Variants in PDE11A observed in about 807,000 individuals in gnomAD.
PDE11A encodes the protein dual 3',5'-cyclic-AMP and -GMP phosphodiesterase 11A.
A neutral mutation model predicts 100.5 loss-of-function variants in PDE11A; 100 were observed. The ratio of observed to expected loss-of-function variants is 1.00; its 90% confidence interval spans 0.85 to 1.18. The LOEUF (loss-of-function observed/expected upper bound fraction) is 1.18, where lower values mean the gene tolerates loss of function less well. PDE11A is among the 50% of genes most tolerant of loss of function. The pLI is 0.00. For synonymous variants in PDE11A, 381 were observed against 420.8 expected (o/e 0.91, Z 1.16); for missense variants, 1,141 against 1,152.6 (o/e 0.99, Z 0.15).
intron 16 of PDE11A, chr2:177,677,882 TCTC>T: frequency 6.6e-6 from 1 of 152,306 alleles, no homozygotes; most frequent in Non-Finnish European, 1.5e-5. Flanking sequence ...TTAACATACC[TCTC>T]CTCTATATGC....
At chr2:177,650,199 C>T (rs983032048) in intron 19 of PDE11A, among the ~76,000 whole-genome samples, 2 of 152,272 alleles carry the variant, frequency 1.3e-5, no homozygotes, top group Admixed American at 1.3e-4. Flanking sequence ...TCCTGCCTGG[C>T]CATTAAATAG....
At chr2:177,784,451 C>G (rs1046109336) in intron 9 of PDE11A, among the ~76,000 whole-genome samples, 1 of 152,122 alleles carries the variant, frequency 6.6e-6, no homozygotes, top group Admixed American at 6.5e-5. Context: ...ATTCTGGGAA[C>G]TCTCAGCTGC....
intron 15 of PDE11A, chr2:177,686,995 G>T (rs954415176): frequency 6.6e-6 from 1 of 152,002 alleles, no homozygotes; most frequent in African/African-American, 2.4e-5. Flanking sequence ...GGGATTACAG[G>T]CATGAGCCAT....
chr2:177,944,803 GCTCTCCCTCTCC>G (rs56670331), intron 2 of PDE11A, among the ~76,000 whole-genome samples: 1,600 of 101,850 alleles, frequency 0.016, 40 homozygotes, highest in African/African-American at 0.045. Flanking sequence ...AGATGCGAGC[GCTCTCCCTCTCC>G]CTCTCCCTCT....
intron 4 of PDE11A, chr2:177,888,545 A>C (rs780484178): frequency 1.2e-5 from 2 of 167,060 alleles, no homozygotes; most frequent in African/African-American, 4.8e-5. Context: ...TTATAACAAA[A>C]CCCTTAAAGC....
At chr2:177,984,255 A>G (rs1175476050) in intron 2 of PDE11A, among the ~76,000 whole-genome samples, 1 of 152,232 alleles carries the variant, frequency 6.6e-6, no homozygotes, top group Non-Finnish European at 1.5e-5. Context: ...AGCAAACTGC[A>G]TGAAATTGCT....
intron 9 of PDE11A, among the ~76,000 whole-genome samples, chr2:177,787,155 A>T (rs376866212): frequency 6.8e-6 from 1 of 146,298 alleles, no homozygotes. Context: ...CGGGTTACCC[A>T]CAAAGGGAAG....
chr2:177,763,073 T>C (rs533118912), intron 10 of PDE11A, among the ~76,000 whole-genome samples: 37 of 152,288 alleles, frequency 2.4e-4, no homozygotes, highest in African/African-American at 8.7e-4. Flanking sequence ...AGCCGGACAT[T>C]TGAACGCGAA....
intron 2 of PDE11A, among the ~76,000 whole-genome samples, chr2:177,954,577 AATG>A (rs1023637725): frequency 1.3e-5 from 2 of 152,190 alleles, no homozygotes; most frequent in Non-Finnish European, 2.9e-5. Context: ...GCACATATAT[AATG>A]ATATTTCAAT....
At chr2:177,792,946 G>A (rs1303403330) in intron 9 of PDE11A, among the ~76,000 whole-genome samples, 1 of 152,200 alleles carries the variant, frequency 6.6e-6, no homozygotes, top group South Asian at 2.1e-4. Context: ...GGGAGGAGGT[G>A]GGAAGAATGG....
chr2:177,815,097 A>G (rs149598410), intron 9 of PDE11A, among the ~76,000 whole-genome samples: 73 of 152,298 alleles, frequency 4.8e-4, no homozygotes, highest in African/African-American at 1.7e-3. Flanking sequence ...AGCTGCAGTT[A>G]CTGAAAAACA....
chr2:177,688,688 T>G (rs575936407), intron 15 of PDE11A, among the ~76,000 whole-genome samples: 1 of 152,352 alleles, frequency 6.6e-6, no homozygotes, highest in African/African-American at 2.4e-5. Context: ...ATCAGATATG[T>G]TTTTATTAGG....
chr2:177,681,747 C>T (rs78778808), intron 15 of PDE11A, among the ~76,000 whole-genome samples: 5,627 of 152,210 alleles, frequency 0.037, 193 homozygotes, highest in East Asian at 0.18. Flanking sequence ...TCTCATTATT[C>T]CTTCCTCCCT....
At chr2:177,999,974 C>T (rs2086123943) in intron 2 of PDE11A, among the ~76,000 whole-genome samples, 1 of 152,156 alleles carries the variant, frequency 6.6e-6, no homozygotes, top group Non-Finnish European at 1.5e-5. Flanking sequence ...CACCTTGCTG[C>T]CTGCTTTGGT....
intron 9 of PDE11A, among the ~76,000 whole-genome samples, chr2:177,803,145 G>A (rs2105556347): frequency 6.6e-6 from 1 of 151,820 alleles, no homozygotes; most frequent in South Asian, 2.1e-4. Context: ...AGTCCAAATA[G>A]TAAAATTCAG....
In PDE11A at chr2:178,071,511, A is replaced by C; in HGVS notation, c.912+15T>G. ...CAATGGGGCTCTGGGAGAAGGGGAC[A>C]ATGCAAAGTCCTACCTGGTAGGCAT... On this transcript the variant is annotated intron_variant, in intron 1 of 19. Coordinates refer to ENST00000286063, the MANE Select transcript of PDE11A (RefSeq NM_016953.4). 1.2e-6 allele frequency: 2 copies of C among 1,613,076 alleles called. No homozygotes were observed. The highest frequency in any genetic ancestry group is 1.7e-6 in the Non-Finnish European group (2 of 1,179,060).
intron 2 of PDE11A, among the ~76,000 whole-genome samples, chr2:178,010,748 T>C (rs945541447): frequency 6.6e-6 from 1 of 152,192 alleles, no homozygotes; most frequent in African/African-American, 2.4e-5. Flanking sequence ...ATGACAAATG[T>C]AGAATATATT....
At chr2:177,997,475 T>C (rs2086090171) in intron 2 of PDE11A, 1 of 817,546 alleles carries the variant, frequency 1.2e-6, no homozygotes, top group Admixed American at 1.7e-5. Flanking sequence ...AGGAGGAATG[T>C]GGAAGAGATC....
At chr2:177,853,242 G>T (rs1376334728) in intron 5 of PDE11A, among the ~76,000 whole-genome samples, 1 of 151,890 alleles carries the variant, frequency 6.6e-6, no homozygotes, top group Non-Finnish European at 1.5e-5. Flanking sequence ...GAAAACATGG[G>T]AAATAAAACT....
Sources: allele counts gnomAD v4.1 joint callset (sites outside exome capture counted in the v4.1 genomes callset), GRCh38; gene constraint gnomAD v4.1.1; transcripts MANE v1.5; gene names NCBI Gene and HGNC (gene_info 2026-07-23, HGNC 2026-07-21).